The following RREB1 variants were observed in gnomAD, a reference collection of about 807,000 sequenced individuals.
RREB1 encodes the protein ras-responsive element-binding protein 1.
Under a neutral mutation model 117.8 loss-of-function variants are expected in RREB1, and 27 were observed. The observed-to-expected ratio is 0.23, with a 90% confidence interval of 0.17 to 0.32. The LOEUF (loss-of-function observed/expected upper bound fraction) is 0.32, where lower values mean the gene tolerates loss of function less well. RREB1 is among the 10% of genes least tolerant of loss of function. The probability of loss-of-function intolerance (pLI) is 1.00; values close to 1 mark genes in which losing one functional copy is unlikely to be tolerated. For synonymous variants in RREB1, 1,298 were observed against 1,026.7 expected, an observed-to-expected ratio of 1.26 and a Z score of -5.05; for missense variants, 2,577 against 2,378.2, an observed-to-expected ratio of 1.08 and a Z score of -1.74.
chr6:7,142,970 C>T (rs972820538), intron 1 of RREB1, among the ~76,000 whole-genome samples: 1 of 152,308 alleles, frequency 6.6e-6, no homozygotes, highest in African/African-American at 2.4e-5. Context: ...CCAGGCGATG[C>T]AAATACAAAG....
chr6:7,229,977 C>A lies in RREB1; in HGVS notation c.1878C>A (p.Phe626Leu). The A allele has an allele frequency of 6.2e-7, 1 of 1,607,172 alleles. No homozygotes were observed. Among genetic ancestry groups the A allele is most frequent in the Admixed American group, 1.7e-5 (1 of 59,706 alleles). The change falls in exon 10 of 13, where the codon TTC becomes TTA. Residue 626 changes from phenylalanine to leucine, a missense_variant. Physicochemically the swap from Phe to Leu is conservative, Grantham distance 22 (BLOSUM62 0). Coordinates refer to ENST00000379938, the MANE Select transcript of RREB1 (RefSeq NM_001003699.4). The surrounding 1 kb of genome is among the most constrained non-coding windows in gnomAD (Gnocchi z 4.5). ...QEITEGELKAFMTAPGGKKTP... is the reference protein window; with the variant it reads ...QEITEGELKALMTAPGGKKTP... ...TCACAGAGGGGGAACTCAAGGCCTTCATGACAGCGCCCGGCGGCAAGAAGA... is the reference window on the plus strand; with the variant it reads ...TCACAGAGGGGGAACTCAAGGCCTTAATGACAGCGCCCGGCGGCAAGAAGA...
intron 4 of RREB1, among the ~76,000 whole-genome samples, chr6:7,182,623 T>G (rs774299533): frequency 7.9e-5 from 12 of 152,352 alleles, no homozygotes; most frequent in Admixed American, 2.6e-4. Context: ...GGGTTAATGC[T>G]GTTACAAAAG....
chr6:7,141,767 A>T (rs1762603408), intron 1 of RREB1, among the ~76,000 whole-genome samples: 1 of 152,246 alleles, frequency 6.6e-6, no homozygotes, highest in African/African-American at 2.4e-5. Context: ...TGCCTGCGGC[A>T]AAGTGAACCT....
chr6:7,240,968 T>C (rs1218224531), intron 11 of RREB1, among the ~76,000 whole-genome samples: 2 of 152,084 alleles, frequency 1.3e-5, no homozygotes, highest in Admixed American at 6.6e-5. Context: ...CTAAAGGGGA[T>C]GTGAAACCTA....
At chr6:7,112,246 G>T (rs1431667559) in intron 1 of RREB1, among the ~76,000 whole-genome samples, 2 of 152,184 alleles carry the variant, frequency 1.3e-5, no homozygotes, top group East Asian at 3.8e-4. Context: ...CAAGTATCTT[G>T]AAGTTTTTCA....
rs1265704868 is a variant in RREB1 at position 7,230,208 on chromosome 6, C to T, written c.2109C>T (p.Ile703=). Residue 703 remains isoleucine (I), a synonymous_variant, in exon 10 of 13, where the codon ATC becomes ATT. Coordinates refer to ENST00000379938, the MANE Select transcript of RREB1 (RefSeq NM_001003699.4). ...GGGAGCGGCCCTACATTTGCAAGAT[C>T]TGCCACTACCCCTTCACTGTCAAAG... ...HSGERPYICK[I]CHYPFTVKAN... 6.2e-7 allele frequency: 1 copy of T among 1,605,478 alleles called. No individual in the cohort carries two copies. The highest frequency in any genetic ancestry group is 8.5e-7 in the Non-Finnish European group (1 of 1,179,924).
At chr6:7,160,395 C>G (rs1249400975) in intron 1 of RREB1, among the ~76,000 whole-genome samples, 2 of 152,164 alleles carry the variant, frequency 1.3e-5, no homozygotes, top group Non-Finnish European at 2.9e-5. Context: ...ATGATACATA[C>G]GTTGTTTCAG....
chr6:7,196,206 GT>G lies in RREB1; in HGVS notation c.425+6894del, dbSNP rs939597714. ...CCACCCCAAAGTTCGTTGTTTTTTG[GT>G]TTTTTTTTTCGTTTTTTTTTTTTGT... is the stretch of plus-strand genomic sequence containing the variant. On this transcript the variant is annotated intron_variant, in intron 6 of 12. Transcript: ENST00000379938. 2.3e-4 allele frequency among the ~76,000 whole-genome samples: 30 copies of G among 129,776 alleles called. No individual in the cohort carries two copies. In the East Asian group the frequency reaches 4.9e-3, roughly 21 times the overall value. 85.1% of individuals were successfully genotyped at this position (129,776 alleles called of 152,430 possible). A position where few individuals can be genotyped will look rare whatever the true frequency, so the allele number is the denominator to read the frequency against.
In RREB1 at chr6:7,251,715, T is replaced by C. The variant is rs1278001777; in HGVS notation, c.*2747T>C. On this transcript the variant is annotated 3_prime_UTR_variant, in exon 13 of 13. Transcript: ENST00000379938. Reference sequence around the variant, plus strand: ...CCTCTTTCTTCAAGAAGGAAATTGATCCTAGTGATTTCAGCCCATGCATTA... The same window carrying C: ...CCTCTTTCTTCAAGAAGGAAATTGACCCTAGTGATTTCAGCCCATGCATTA... 6.6e-6 allele frequency: 1 copy of C among 152,174 alleles called. No individual in the cohort carries two copies. Among genetic ancestry groups the C allele is most frequent in the Non-Finnish European group, 1.5e-5 (1 of 68,036 alleles). 9.4% of individuals were successfully genotyped at this position (152,174 alleles called of 1,614,324 possible). A position where few individuals can be genotyped will look rare whatever the true frequency, so the allele number is the denominator to read the frequency against.
At chr6:7,246,126 GTCAC>G (rs1769000967) in intron 11 of RREB1, among the ~76,000 whole-genome samples, 1 of 152,206 alleles carries the variant, frequency 6.6e-6, no homozygotes, top group Non-Finnish European at 1.5e-5. Flanking sequence ...CCCTGCCTGA[GTCAC>G]TCACACCTTC....
At chr6:7,139,832 C>T (rs1211044786) in intron 1 of RREB1, among the ~76,000 whole-genome samples, 1 of 152,184 alleles carries the variant, frequency 6.6e-6, no homozygotes, top group African/African-American at 2.4e-5. Context: ...CTTTTAGATT[C>T]AGACTAGAAA....
chr6:7,137,562 ATAGT>A (rs993745292), intron 1 of RREB1, among the ~76,000 whole-genome samples: 10 of 152,242 alleles, frequency 6.6e-5, no homozygotes, highest in African/African-American at 2.4e-4. Flanking sequence ...AGATGCTAAG[ATAGT>A]TGTTGATGAA....
chr6:7,173,378 G>A (rs963172131), intron 1 of RREB1, among the ~76,000 whole-genome samples: 14 of 152,010 alleles, frequency 9.2e-5, no homozygotes, highest in Admixed American at 3.3e-4. Context: ...CTAGCCAGGC[G>A]TGGTGGTGCA....
In RREB1 at chr6:7,246,658, C is replaced by A. The variant is rs376038911; in HGVS notation, c.4208C>A (p.Ala1403Asp). Residue 1403 changes from alanine (A) to aspartate (D), a missense_variant, in exon 12 of 13, where the codon GCC (alanine) becomes GAC (aspartate). Coordinates refer to ENST00000379938, the MANE Select transcript of RREB1 (RefSeq NM_001003699.4). The stretch of plus-strand genomic sequence containing the variant: ...GGCACTGAGGAGAGCACTGGGGACG[C>A]CGACGGCGCGGAAGAGGACGCGTCG... ...EHGTEESTGD[A>D]DGAEEDASSN... 2.8e-5 allele frequency: 44 copies of A among 1,576,908 alleles called. No individual in the cohort carries two copies. In the African/African-American group the frequency reaches 3.1e-4, roughly 11 times the overall value.
At chr6:7,186,110 G>A (rs187944071) in intron 4 of RREB1, among the ~76,000 whole-genome samples, 1 of 152,224 alleles carries the variant, frequency 6.6e-6, no homozygotes, top group East Asian at 1.9e-4. Context: ...GATGCCCGAG[G>A]ATAGGAAATG....
At chr6:7,165,567 A>G (rs572408549) in intron 1 of RREB1, among the ~76,000 whole-genome samples, 1 of 143,978 alleles carries the variant, frequency 6.9e-6, no homozygotes, top group Non-Finnish European at 1.5e-5. Context: ...TTCCCATTAC[A>G]TACTGGGTTA....
chr6:7,159,365 A>G (rs1763537908), intron 1 of RREB1, among the ~76,000 whole-genome samples: 1 of 152,226 alleles, frequency 6.6e-6, no homozygotes, highest in South Asian at 2.1e-4. Flanking sequence ...CCTGATAGTC[A>G]TCATTCAGAA....
chr6:7,246,857 G>T lies in RREB1; in HGVS notation c.4407G>T (p.Ala1469=), dbSNP rs1197948030. 4 of 1,553,014 alleles carry T rather than the reference G, an allele frequency of 2.6e-6. No individual in the cohort carries two copies. The highest frequency in any genetic ancestry group is 2.4e-5 in the South Asian group (2 of 84,360). ...GCACCCTGAGCCGCCACCGGAAGGC[G>T]CACGGCCGCCAGGAGCCCAAGGACG... The part of the protein sequence containing the change: ...FLGTLSRHRK[A]HGRQEPKDEK... Residue 1469 remains alanine, a synonymous_variant, in exon 12 of 13, where the codon GCG becomes GCT. Transcript: ENST00000379938.
intron 11 of RREB1, among the ~76,000 whole-genome samples, chr6:7,244,547 A>G (rs879762211): frequency 1.5e-4 from 23 of 152,218 alleles, no homozygotes; most frequent in Admixed American, 3.9e-4. Context: ...TTTTCCTTGG[A>G]ATGTGGCCCA....
Sources: gnomAD v4.1 joint callset for allele counts (sites outside exome capture counted in the v4.1 genomes callset) on GRCh38, gnomAD v4.1.1 for gene constraint, Gnocchi (gnomAD v3.1) non-coding constraint, MANE v1.5 for transcripts, NCBI Gene and HGNC (gene_info 2026-07-23, HGNC 2026-07-21) for gene names.